Variants in KCNIP4 observed in about 807,000 individuals in gnomAD.
KCNIP4 encodes the protein Kv channel-interacting protein 4.
In KCNIP4, 12 loss-of-function variants were observed where a neutral mutation model predicts 34.0. That is an observed-to-expected ratio of 0.35 (90% CI 0.23 to 0.57). KCNIP4 has a LOEUF of 0.57. Ranked by LOEUF, KCNIP4 falls within the 20% of genes least tolerant of loss-of-function variation. The pLI, the probability that KCNIP4 is intolerant of heterozygous loss-of-function variation, is 0.83. For missense variants in KCNIP4, 238 were observed against 311.7 expected (o/e 0.76, Z 1.78); for synonymous variants, 124 against 102.2 (o/e 1.21, Z -1.29).
At chr4:21,648,068 T>C (rs980211559) in intron 1 of KCNIP4, among the ~76,000 whole-genome samples, 1 of 151,464 alleles carries the variant, frequency 6.6e-6, no homozygotes, top group African/African-American at 2.4e-5. Context: ...GGAGATGGGG[T>C]TTCACCGTGT....
intron 1 of KCNIP4, among the ~76,000 whole-genome samples, chr4:21,578,126 G>A (rs1740888624): frequency 6.6e-6 from 1 of 152,104 alleles, no homozygotes; most frequent in African/African-American, 2.4e-5. Flanking sequence ...ACGAAGTCAG[G>A]CATTCAAGAC....
chr4:21,083,950 C>G (rs1439228300), intron 1 of KCNIP4, among the ~76,000 whole-genome samples: 9 of 151,816 alleles, frequency 5.9e-5, no homozygotes, highest in Admixed American at 5.3e-4. Flanking sequence ...TACCTCTGCA[C>G]AAATCTATAA....
At chr4:21,512,309 C>T (rs944290779) in intron 1 of KCNIP4, among the ~76,000 whole-genome samples, 3 of 152,016 alleles carry the variant, frequency 2.0e-5, no homozygotes, top group Admixed American at 1.3e-4. Flanking sequence ...AGTTCATTAC[C>T]CAAGCAGTCA....
At chr4:20,773,255 T>C (rs953018532) in intron 3 of KCNIP4, among the ~76,000 whole-genome samples, 4 of 151,718 alleles carry the variant, frequency 2.6e-5, no homozygotes, top group South Asian at 2.1e-4. Context: ...ATTTTTGAAA[T>C]TGTTGCAATT....
At chr4:21,799,473 G>A (rs1269745561) in intron 1 of KCNIP4, among the ~76,000 whole-genome samples, 4 of 152,154 alleles carry the variant, frequency 2.6e-5, no homozygotes, top group Non-Finnish European at 5.9e-5. Flanking sequence ...TTGGTCAAAA[G>A]CTATATGATA....
intron 1 of KCNIP4, among the ~76,000 whole-genome samples, chr4:21,346,017 A>C (rs951613460): frequency 5.5e-5 from 8 of 146,100 alleles, no homozygotes; most frequent in Non-Finnish European, 1.2e-4. Context: ...TGAAGTGGAG[A>C]GAGGCATCCT....
intron 1 of KCNIP4, among the ~76,000 whole-genome samples, chr4:21,726,090 T>C (rs1365903851): frequency 6.6e-6 from 1 of 152,180 alleles, no homozygotes; most frequent in African/African-American, 2.4e-5. Flanking sequence ...ATCTATACAG[T>C]AGGAAGTCTA....
intron 3 of KCNIP4, among the ~76,000 whole-genome samples, chr4:20,793,599 G>C (rs1238031031): frequency 6.6e-6 from 1 of 152,122 alleles, no homozygotes; most frequent in Non-Finnish European, 1.5e-5. Flanking sequence ...TTTTGTGGAA[G>C]ACACTTTTTC....
In KCNIP4 at chr4:20,908,656, G is replaced by A. The variant is rs1013172754; in HGVS notation, c.62-25947C>T. On this transcript the variant is annotated intron_variant, in intron 1 of 8. Coordinates refer to ENST00000382152, the MANE Select transcript of KCNIP4 (RefSeq NM_025221.6). The stretch of plus-strand genomic sequence containing the variant: ...TTTGCAACAGAGACCAGGTTCTAGT[G>A]ACATCTACTCAGTGATGTTTCCCCT... Among the ~76,000 whole-genome samples the A allele has an allele frequency of 1.3e-5, 2 of 152,290 alleles. 1 individual carries two copies. Among genetic ancestry groups the A allele is most frequent in the Admixed American group, 1.3e-4 (2 of 15,292 alleles).
chr4:21,151,407 T>TA lies in KCNIP4; in HGVS notation c.62-268699_62-268698insT, dbSNP rs1752747472. On this transcript the variant is annotated intron_variant, in intron 1 of 8. Coordinates refer to ENST00000382152, the MANE Select transcript of KCNIP4 (RefSeq NM_025221.6). ...AATGGATGTCTTCAACAAAAGACAATTTTTTTTTTTTTTTTTTTTTTTTTT... is the reference window on the plus strand; with the variant it reads ...AATGGATGTCTTCAACAAAAGACAATATTTTTTTTTTTTTTTTTTTTTTTTT... Among the ~76,000 whole-genome samples the TA allele has an allele frequency of 5.2e-4, 11 of 21,016 alleles. 1 individual carries two copies. The highest frequency in any genetic ancestry group is 1.7e-3 in the African/African-American group (10 of 5,818). 13.8% of individuals were successfully genotyped at this position (21,016 alleles called of 152,430 possible). A position where few individuals can be genotyped will look rare whatever the true frequency, so the allele number is the denominator to read the frequency against.
intron 5 of KCNIP4, among the ~76,000 whole-genome samples, chr4:20,736,403 T>C (rs1335899694): frequency 2.0e-5 from 3 of 152,214 alleles, no homozygotes; most frequent in Non-Finnish European, 4.4e-5. Context: ...GATATTTTTT[T>C]CTATCATATA....
intron 1 of KCNIP4, among the ~76,000 whole-genome samples, chr4:21,136,011 C>G (rs994730056): frequency 6.6e-6 from 1 of 152,158 alleles, no homozygotes; most frequent in Non-Finnish European, 1.5e-5. Context: ...TTTATTACAT[C>G]TTCCAAAACA....
At chr4:21,618,499 G>A (rs980962384) in intron 1 of KCNIP4, among the ~76,000 whole-genome samples, 1 of 152,004 alleles carries the variant, frequency 6.6e-6, no homozygotes, top group African/African-American at 2.4e-5. Flanking sequence ...TCTAGTTGGA[G>A]AGTGGATCAT....
intron 3 of KCNIP4, among the ~76,000 whole-genome samples, chr4:20,813,148 T>C (rs1264492236): frequency 1.3e-5 from 2 of 152,016 alleles, no homozygotes; most frequent in African/African-American, 4.8e-5. Flanking sequence ...GTGTGGAAAA[T>C]ACCTGAAGCT....
chr4:21,067,387 A>C (rs1276334182), intron 1 of KCNIP4, among the ~76,000 whole-genome samples: 2 of 151,958 alleles, frequency 1.3e-5, no homozygotes, highest in Non-Finnish European at 2.9e-5. Context: ...GAAAGAGTAA[A>C]GGGGATTTTG....
chr4:21,251,714 G>A (rs1760711064), intron 1 of KCNIP4, among the ~76,000 whole-genome samples: 2 of 152,026 alleles, frequency 1.3e-5, no homozygotes, highest in African/African-American at 4.8e-5. Context: ...CCTTTGTAGG[G>A]ACATGGATGA....
chr4:21,932,533 C>T (rs1051049268), intron 1 of KCNIP4, among the ~76,000 whole-genome samples: 2 of 151,980 alleles, frequency 1.3e-5, no homozygotes, highest in Non-Finnish European at 2.9e-5. Context: ...TTGTTTTAGG[C>T]TTTAAAGTCT....
chr4:21,428,648 A>G lies in KCNIP4; in HGVS notation c.61+519923T>C, dbSNP rs549491456. Among the ~76,000 whole-genome samples, 29 of 152,178 alleles carry G rather than the reference A, an allele frequency of 1.9e-4. 1 individual carries two copies. The highest frequency in any genetic ancestry group is 3.6e-4 in the African/African-American group (15 of 41,440). Reference sequence around the variant, plus strand: ...AATTGGTAACATCCAGATTTCATTTATGGTGGTATGCTTGCTGACTAGCCA... The same window carrying G: ...AATTGGTAACATCCAGATTTCATTTGTGGTGGTATGCTTGCTGACTAGCCA... On this transcript the variant is annotated intron_variant, in intron 1 of 8. Transcript: ENST00000382152.
At chr4:21,769,999 T>C (rs1178140288) in intron 1 of KCNIP4, among the ~76,000 whole-genome samples, 1 of 135,636 alleles carries the variant, frequency 7.4e-6, no homozygotes, top group African/African-American at 3.7e-5. Context: ...TTTTTCTTAT[T>C]TATTTCTTCT....
Sources: gnomAD v4.1 joint callset for allele counts (sites outside exome capture counted in the v4.1 genomes callset) on GRCh38, gnomAD v4.1.1 for gene constraint, MANE v1.5 for transcripts, NCBI Gene and HGNC (gene_info 2026-07-23, HGNC 2026-07-21) for gene names.